Variants in COL4A6 observed in about 807,000 individuals in gnomAD.
The protein encoded by COL4A6 is collagen alpha-6(IV) chain.
Under a neutral mutation model 126.7 loss-of-function variants are expected in COL4A6, and 59 were observed. The ratio of observed to expected loss-of-function variants is 0.47; its 90% CI spans 0.38 to 0.58. COL4A6 has a LOEUF of 0.58. Among genes scored for constraint, COL4A6 ranks in the 20% least tolerant of loss-of-function variants. The pLI is 0.00. For synonymous variants in COL4A6, 547 were observed against 496.6 expected (o/e 1.10, Z -1.35); for missense variants, 1,285 against 1,337.3 (o/e 0.96, Z 0.61).
At chrX:108,387,043 T>G (rs975625103) in intron 2 of COL4A6, among the ~76,000 whole-genome samples, 2 of 111,752 alleles carry the variant, frequency 1.8e-5, no homozygotes, top group Non-Finnish European at 1.9e-5. Flanking sequence ...TGGTGTTATT[T>G]CTGAGGCCTC....
At chrX:108,307,539 T>C (rs369293138) in intron 3 of COL4A6, among the ~76,000 whole-genome samples, 3 of 112,055 alleles carry the variant, frequency 2.7e-5, no homozygotes, top group East Asian at 2.8e-4. Flanking sequence ...AATGTCCTAG[T>C]CAGTTCAAGA....
intron 3 of COL4A6, among the ~76,000 whole-genome samples, chrX:108,253,587 G>A (rs940770248): frequency 8.9e-6 from 1 of 111,972 alleles, no homozygotes; most frequent in African/African-American, 3.2e-5. Flanking sequence ...ATACAGCCCA[G>A]TTAGGTGTTC....
At chrX:108,272,331 C>T (rs1047385438) in intron 3 of COL4A6, among the ~76,000 whole-genome samples, 1 of 112,020 alleles carries the variant, frequency 8.9e-6, no homozygotes, top group Non-Finnish European at 1.9e-5. Flanking sequence ...TTTCCTATGG[C>T]ATCAAAGCCT....
At chrX:108,305,500 A>G (rs2038604382) in intron 3 of COL4A6, among the ~76,000 whole-genome samples, 1 of 111,778 alleles carries the variant, frequency 8.9e-6, no homozygotes, top group Non-Finnish European at 1.9e-5. Context: ...CAAGAGTTTC[A>G]TGATACATAT....
rs1602771659 is a variant in COL4A6 at position 108,194,747 on chromosome X, G to C, written c.949-160C>G. The stretch of plus-strand genomic sequence containing the variant: ...CTGGAAGCTGTAAAATCTTCCAGAA[G>C]ACAATACGGCAGTAGGTAGCCAATT... On this transcript the variant is annotated intron_variant, in intron 15 of 44. Coordinates refer to ENST00000334504, the MANE Select transcript of COL4A6 (RefSeq NM_033641.4). 1.1e-5 allele frequency: 6 copies of C among 522,385 alleles called. No homozygotes were observed. In the East Asian group the frequency reaches 2.1e-4, roughly 18 times the overall value. 43.1% of individuals were successfully genotyped at this position (522,385 alleles called of 1,213,427 possible).
At chrX:108,214,838 C>T (rs1430941891) in intron 5 of COL4A6, among the ~76,000 whole-genome samples, 1 of 112,687 alleles carries the variant, frequency 8.9e-6, no homozygotes, top group Non-Finnish European at 1.9e-5. Flanking sequence ...TGTATGTTTT[C>T]CTCTCCGTAC....
At chrX:108,417,186 C>T (rs1176182875) in intron 2 of COL4A6, among the ~76,000 whole-genome samples, 1 of 111,172 alleles carries the variant, frequency 9.0e-6, no homozygotes, top group African/African-American at 3.3e-5. Flanking sequence ...GAGAAACTGC[C>T]CATATGAACT....
intron 16 of COL4A6, among the ~76,000 whole-genome samples, chrX:108,194,127 G>C (rs969928649): frequency 9.8e-5 from 11 of 112,539 alleles, no homozygotes; most frequent in African/African-American, 3.6e-4. Flanking sequence ...ACTCCCCAAA[G>C]AGGGATTTAG....
chrX:108,165,441 C>A lies in COL4A6; in HGVS notation c.3737G>T (p.Gly1246Val). The change falls in exon 38 of 45, where the codon GGC becomes GTC. Residue 1246 changes from glycine (G) to valine (V), a missense_variant. By Grantham distance (109) the Gly-to-Val change is moderately radical (BLOSUM62 -3). Transcript: ENST00000334504. ...TGCTATGAGTGAGGGCAAGGAGATGCCTGGGGCACCGGGGAGACCAGCAGG... is the reference window on the plus strand; with the variant it reads ...TGCTATGAGTGAGGGCAAGGAGATGACTGGGGCACCGGGGAGACCAGCAGG... ...QGPAGLPGAP[G>V]ISLPSLIAGQ... 8.3e-7 allele frequency: 1 copy of A among 1,204,438 alleles called. No individual in the cohort carries two copies. Among genetic ancestry groups the A allele is most frequent in the East Asian group, 3.0e-5 (1 of 33,703 alleles).
intron 23 of COL4A6, among the ~76,000 whole-genome samples, chrX:108,183,164 C>T (rs2034738708): frequency 8.9e-6 from 1 of 112,370 alleles, no homozygotes; most frequent in Admixed American, 9.4e-5. Context: ...ACTTTACATT[C>T]CTGAATTCAG....
intron 2 of COL4A6, among the ~76,000 whole-genome samples, chrX:108,390,067 T>G: frequency 8.9e-6 from 1 of 112,260 alleles, no homozygotes; most frequent in East Asian, 2.8e-4. Context: ...TTCACTTTCT[T>G]CTGGCTTGTA....
intron 23 of COL4A6, among the ~76,000 whole-genome samples, chrX:108,181,900 C>T (rs1303343145): frequency 1.8e-5 from 2 of 112,400 alleles, no homozygotes; most frequent in Non-Finnish European, 3.7e-5. Context: ...CTTTAAACCA[C>T]AGAGCCAACA....
intron 3 of COL4A6, among the ~76,000 whole-genome samples, chrX:108,294,407 T>G (rs1489952190): frequency 8.0e-5 from 7 of 87,454 alleles, no homozygotes; most frequent in African/African-American, 3.1e-4. Flanking sequence ...GTGTTTTTTT[T>G]TTTTTTGGTG....
chrX:108,377,329 C>T (rs181632724), intron 2 of COL4A6, among the ~76,000 whole-genome samples: 8,152 of 110,181 alleles, frequency 0.074, 667 homozygotes, highest in African/African-American at 0.23. Context: ...CCATTGCCCA[C>T]GGATGAGCAG....
At chrX:108,231,933 T>C (rs2036318670) in intron 3 of COL4A6, among the ~76,000 whole-genome samples, 1 of 111,978 alleles carries the variant, frequency 8.9e-6, no homozygotes, top group African/African-American at 3.2e-5. Context: ...ACAATTAAAG[T>C]GGTCTTCTTA....
Position 108,421,602 on chromosome X carries a change from G to A in COL4A6, c.63+16340C>T, listed in dbSNP as rs1414005994. On this transcript the variant is annotated intron_variant, in intron 2 of 44. Coordinates refer to ENST00000334504, the MANE Select transcript of COL4A6 (RefSeq NM_033641.4). ...TGGCAGAAAAGTATATGCACTAGCT[G>A]TAGACAATTTTTGCACGAAATCTGG... Among the ~76,000 whole-genome samples, 3 of 112,373 alleles carry A rather than the reference G, an allele frequency of 2.7e-5. No homozygotes were observed. In the Admixed American group the frequency reaches 2.8e-4, roughly 11 times the overall value.
At chrX:108,167,510 A>AT (rs1348407901) in intron 37 of COL4A6, among the ~76,000 whole-genome samples, 2 of 110,391 alleles carry the variant, frequency 1.8e-5, no homozygotes, top group Non-Finnish European at 3.8e-5. Flanking sequence ...TAATTTTTGT[A>AT]TTTTTTGTAG....
chrX:108,266,247 T>G (rs1456003266), intron 3 of COL4A6, among the ~76,000 whole-genome samples: 1 of 111,621 alleles, frequency 9.0e-6, no homozygotes, highest in Non-Finnish European at 1.9e-5. Context: ...GTTGGAAGAC[T>G]GTGCTGACAG....
At chrX:108,309,336 C>A (rs1603060432) in intron 3 of COL4A6, among the ~76,000 whole-genome samples, 2 of 110,723 alleles carry the variant, frequency 1.8e-5, no homozygotes, top group African/African-American at 6.6e-5. Context: ...GATGAGAAAT[C>A]AAAGGACCCA....
Sources: gnomAD v4.1 joint callset for allele counts (sites outside exome capture counted in the v4.1 genomes callset) on GRCh38, gnomAD v4.1.1 for gene constraint, MANE v1.5 for transcripts, NCBI Gene and HGNC (gene_info 2026-07-23, HGNC 2026-07-21) for gene names.